Variants in MFAP3 observed in about 807,000 individuals in gnomAD.
MFAP3 encodes the protein microfibril associated protein 3, also known as microfibril-associated glycoprotein 3.
Under a neutral mutation model 20.5 loss-of-function variants are expected in MFAP3, and 8 were observed. The ratio of observed to expected loss-of-function variants is 0.39; its 90% CI spans 0.23 to 0.70. The LOEUF is 0.70. Among genes scored for constraint, MFAP3 ranks in the 30% least tolerant of loss-of-function variants. MFAP3 has a pLI of 0.44. For missense variants in MFAP3, 398 were observed against 444.6 expected (o/e 0.90, Z 0.94); for synonymous variants, 140 against 154.0 (o/e 0.91, Z 0.67).
intron 2 of MFAP3, among the ~76,000 whole-genome samples, chr5:154,052,159 A>G (rs1773207201): frequency 6.6e-6 from 1 of 152,148 alleles, no homozygotes; most frequent in Non-Finnish European, 1.5e-5. Context: ...GAAGAGAGGC[A>G]GTATGTTTTA....
At position 154,043,050 on chromosome 5, in the gene MFAP3, AG is replaced by A. The variant is rs1205269950; in HGVS notation, c.-167+4043del. On this transcript the variant is annotated intron_variant, in intron 1 of 2. Transcript: ENST00000522782. ...AGGAACGGCAACAAGACAATCTGTT[AG>A]GGGTGACAGCTATAGGCTCTTCTCT... Among the ~76,000 whole-genome samples, 30 of 152,202 alleles carry A rather than the reference AG, an allele frequency of 2.0e-4. 1 individual carries two copies. The highest frequency in any genetic ancestry group is 2.0e-3 in the Admixed American group (30 of 15,288).
At chr5:154,052,849 TG>T in intron 2 of MFAP3, 70 bp from the exon 3 acceptor site, 3 of 1,276,926 alleles carry the variant, frequency 2.3e-6, no homozygotes, top group Non-Finnish European at 3.3e-6. Context: ...AGGTGGAATA[TG>T]GATAAGGCAG....
intron 1 of MFAP3, among the ~76,000 whole-genome samples, chr5:154,046,453 C>T (rs539316070): frequency 6.6e-6 from 1 of 152,206 alleles, no homozygotes; most frequent in Admixed American, 6.5e-5. Flanking sequence ...AGGCCTTGTT[C>T]TTAAGGGGTA....
chr5:154,046,739 C>T (rs940714836), intron 1 of MFAP3, among the ~76,000 whole-genome samples: 3 of 152,212 alleles, frequency 2.0e-5, no homozygotes, highest in Admixed American at 2.0e-4. Flanking sequence ...GTTCATTCTG[C>T]TGAAGTTCCT....
At chr5:154,043,742 A>ATTT (rs33981356) in intron 1 of MFAP3, among the ~76,000 whole-genome samples, 1,638 of 143,012 alleles carry the variant, frequency 0.011, 38 homozygotes, top group African/African-American at 0.038. Context: ...ATATATATAT[A>ATTT]TTTTTTTTTC....
Position 154,049,981 on chromosome 5 carries a change from A to T in MFAP3, c.259A>T (p.Asn87Tyr), listed in dbSNP as rs1773149954. The T allele has an allele frequency of 6.2e-7, 1 of 1,610,778 alleles. No individual in the cohort carries two copies. The highest frequency in any genetic ancestry group is 1.7e-5 in the Admixed American group (1 of 59,912). Residue 87 changes from asparagine (N) to tyrosine (Y), a missense_variant, in exon 2 of 3, where the codon AAT becomes TAT. Transcript: ENST00000522782. ...ASHYEDVHWH[N>Y]SKGQQLDGRS... is the part of the protein sequence containing the mutation. Reference sequence around the variant, plus strand: ...TCACTATGAAGATGTCCATTGGCACAATTCAAAAGGACAGCAACTGGATGG... The same window carrying T: ...TCACTATGAAGATGTCCATTGGCACTATTCAAAAGGACAGCAACTGGATGG...
Position 154,053,931 on chromosome 5 carries a change from A to G in MFAP3, c.*218A>G. Reference sequence around the variant, plus strand: ...ATTTTCCTTAGAGCTTTATTAAATTATGCATGCTAAGATTTAAAGGAGCCC... The same window carrying G: ...ATTTTCCTTAGAGCTTTATTAAATTGTGCATGCTAAGATTTAAAGGAGCCC... On this transcript the variant is annotated 3_prime_UTR_variant, in exon 3 of 3. Transcript: ENST00000522782. 2.0e-6 allele frequency: 1 copy of G among 506,722 alleles called. No individual in the cohort carries two copies. The highest frequency in any genetic ancestry group is 3.6e-6 in the Non-Finnish European group (1 of 278,208). 31.4% of individuals were successfully genotyped at this position (506,722 alleles called of 1,614,324 possible).
Position 154,049,645 on chromosome 5 carries a change from A to G in MFAP3, c.-78A>G, listed in dbSNP as rs1249110591. 2 of 1,408,070 alleles carry G rather than the reference A, an allele frequency of 1.4e-6. No individual in the cohort carries two copies. The highest frequency in any genetic ancestry group is 1.9e-6 in the Non-Finnish European group (2 of 1,034,062). The allele number at this position is 1,408,070 out of a possible 1,614,324, so 87.2% of individuals were successfully genotyped here. ...GGAAAATTTCTCTACCAAGCAATAA[A>G]TTACCCGCTGTGCTTTTGTTGTAGT... On this transcript the variant is annotated 5_prime_UTR_variant, in exon 2 of 3. Transcript: ENST00000522782.
intron 1 of MFAP3, among the ~76,000 whole-genome samples, chr5:154,047,824 A>G (rs1342895558): frequency 6.6e-6 from 1 of 152,224 alleles, no homozygotes; most frequent in African/African-American, 2.4e-5. Flanking sequence ...GGATGAAGCT[A>G]TAGGAACTCC....
At chr5:154,050,394 G>T (rs1475409918) in intron 2 of MFAP3, among the ~76,000 whole-genome samples, 1 of 152,144 alleles carries the variant, frequency 6.6e-6, no homozygotes, top group African/African-American at 2.4e-5. Flanking sequence ...CAGTAGTACA[G>T]TGTGGTGGCC....
At chr5:154,046,756 C>G (rs1314023566) in intron 1 of MFAP3, among the ~76,000 whole-genome samples, 1 of 152,182 alleles carries the variant, frequency 6.6e-6, no homozygotes, top group Non-Finnish European at 1.5e-5. Context: ...TCCTGAATCT[C>G]AGAGCAGGAA....
At position 154,053,341 on chromosome 5, in the gene MFAP3, C is replaced by A; in HGVS notation, c.717C>A (p.Val239=). 6.2e-7 allele frequency: 1 copy of A among 1,613,986 alleles called. No individual in the cohort carries two copies. Among genetic ancestry groups the A allele is most frequent in the South Asian group, 1.1e-5 (1 of 91,060 alleles). ...ARYIEELARS[V]PLPPLILNCR... Reference sequence around the variant, plus strand: ...ATATTGAAGAACTGGCAAGAAGTGTCCCTCTTCCACCTCTTATTCTAAACT... The same window carrying A: ...ATATTGAAGAACTGGCAAGAAGTGTACCTCTTCCACCTCTTATTCTAAACT... Residue 239 remains valine (V), a synonymous_variant, in exon 3 of 3, where the codon GTC becomes GTA. Transcript: ENST00000522782.
rs1195286550 is a variant in MFAP3, at chr5:154,054,136, C to T, written c.*423C>T. ...AGCTCTATAGCTTCTTAACCCATCA[C>T]CTTTAAATTACCAGAATCTTCACTC... On this transcript the variant is annotated 3_prime_UTR_variant, in exon 3 of 3. Coordinates refer to ENST00000522782, the MANE Select transcript of MFAP3 (RefSeq NM_005927.5). The T allele has an allele frequency of 1.7e-5, 3 of 171,734 alleles. No homozygotes were observed. The highest frequency in any genetic ancestry group is 4.8e-5 in the African/African-American group (2 of 41,518). The allele number at this position is 171,734 out of a possible 1,614,324, so 10.6% of individuals were successfully genotyped here.
chr5:154,039,629 A>C (rs570349624), intron 1 of MFAP3, among the ~76,000 whole-genome samples: 7 of 152,212 alleles, frequency 4.6e-5, no homozygotes, highest in Non-Finnish European at 8.8e-5. Flanking sequence ...CAGATGAATG[A>C]CATGATCTGA....
chr5:154,055,447 A>G lies in MFAP3; in HGVS notation c.*1734A>G, dbSNP rs971796039. 1.1e-4 allele frequency among the ~76,000 whole-genome samples: 16 copies of G among 152,198 alleles called. No homozygotes were observed. Among genetic ancestry groups the G allele is most frequent in the African/African-American group, 3.9e-4 (16 of 41,458 alleles). ...CTTTTCTGTCTCTCAGGCTGTTTCCATGGAAACCTCTAGAGCCAAATAAAA... is the reference window on the plus strand; with the variant it reads ...CTTTTCTGTCTCTCAGGCTGTTTCCGTGGAAACCTCTAGAGCCAAATAAAA... On this transcript the variant is annotated 3_prime_UTR_variant, in exon 3 of 3. Coordinates refer to ENST00000522782, the MANE Select transcript of MFAP3 (RefSeq NM_005927.5).
chr5:154,049,004 C>T (rs553290243), intron 1 of MFAP3, among the ~76,000 whole-genome samples: 4 of 152,230 alleles, frequency 2.6e-5, no homozygotes, highest in Non-Finnish European at 5.9e-5. Flanking sequence ...AGTGTTAAAA[C>T]AACCCACCTC....
intron 2 of MFAP3, among the ~76,000 whole-genome samples, 174 bp from the exon 3 acceptor site, chr5:154,052,746 T>G (rs912018528): frequency 2.0e-5 from 3 of 152,222 alleles, no homozygotes; most frequent in African/African-American, 7.2e-5. Flanking sequence ...AATTAAATTC[T>G]GACTCTGGAC....
chr5:154,053,733 G>C lies in MFAP3; in HGVS notation c.*20G>C, dbSNP rs573392980. 6.4e-7 allele frequency: 1 copy of C among 1,564,590 alleles called. No individual in the cohort carries two copies. Among genetic ancestry groups the C allele is most frequent in the South Asian group, 1.2e-5 (1 of 84,718 alleles). On this transcript the variant is annotated 3_prime_UTR_variant, in exon 3 of 3. Transcript: ENST00000522782. ...CTGTAACCTACAATGCTGTAACCCA[G>C]TACCTACAAAATCAGCTCGCTCTCA...
chr5:154,043,225 T>C (rs909893770), intron 1 of MFAP3, among the ~76,000 whole-genome samples: 4 of 152,210 alleles, frequency 2.6e-5, no homozygotes, highest in East Asian at 1.9e-4. Flanking sequence ...CTTACACTTA[T>C]CTATTACATT....
Sources: allele counts gnomAD v4.1 joint callset (sites outside exome capture counted in the v4.1 genomes callset), GRCh38; gene constraint gnomAD v4.1.1; transcripts MANE v1.5; gene names NCBI Gene and HGNC (gene_info 2026-07-23, HGNC 2026-07-21).